PTPRD: variants seen among roughly 807,000 people sequenced by gnomAD.
PTPRD encodes protein tyrosine phosphatase receptor type D.
In PTPRD, 34 loss-of-function variants were observed where a neutral mutation model predicts 214.5. The observed-to-expected ratio is 0.16, with a 90% CI of 0.12 to 0.21. The LOEUF is 0.21. Among genes scored for constraint, PTPRD ranks in the 10% least tolerant of loss-of-function variants. The pLI, the probability that PTPRD is intolerant of heterozygous loss-of-function variation, is 1.00. For synonymous variants in PTPRD, 1,128 were observed against 845.7 expected (o/e 1.33, Z -5.79); for missense variants, 2,545 against 2,398.7 (o/e 1.06, Z -1.27).
At chr9:10,365,853 A>G (rs1306266930) in intron 2 of PTPRD, among the ~76,000 whole-genome samples, 2 of 152,190 alleles carry the variant, frequency 1.3e-5, no homozygotes, top group Non-Finnish European at 2.9e-5. Flanking sequence ...TCCGATTTGG[A>G]TGGAAAATAT....
chr9:9,465,041 C>T (rs953566229), intron 8 of PTPRD, among the ~76,000 whole-genome samples: 1 of 152,136 alleles, frequency 6.6e-6, no homozygotes, highest in African/African-American at 2.4e-5. Context: ...AGGTATTTTC[C>T]ATATTTACAA....
At chr9:10,165,129 C>G (rs757368760) in intron 3 of PTPRD, among the ~76,000 whole-genome samples, 9 of 151,616 alleles carry the variant, frequency 5.9e-5, no homozygotes, top group Admixed American at 1.3e-4. Context: ...TCAGCAATCT[C>G]GATGGAATAG....
intron 7 of PTPRD, among the ~76,000 whole-genome samples, chr9:9,666,001 A>C (rs946784575): frequency 1.3e-5 from 2 of 151,094 alleles, no homozygotes; most frequent in Admixed American, 6.6e-5. Context: ...TTCCAGTTTG[A>C]AATAAGTGTT....
At chr9:9,412,137 T>TTTTTC (rs1247506376) in intron 8 of PTPRD, among the ~76,000 whole-genome samples, 1 of 152,196 alleles carries the variant, frequency 6.6e-6, no homozygotes, top group African/African-American at 2.4e-5. Context: ...TATAGCACTT[T>TTTTTC]TTTTCTTTTC....
intron 10 of PTPRD, among the ~76,000 whole-genome samples, chr9:9,031,507 C>T (rs1300642571): frequency 6.6e-6 from 1 of 151,932 alleles, no homozygotes; most frequent in Non-Finnish European, 1.5e-5. Flanking sequence ...TGTATCTAAA[C>T]ATATATAACC....
intron 2 of PTPRD, among the ~76,000 whole-genome samples, chr9:10,381,748 T>C (rs1482756274): frequency 2.6e-5 from 4 of 152,084 alleles, no homozygotes; most frequent in African/African-American, 9.6e-5. Context: ...GACTTTTATA[T>C]ATTATATTTG....
At chr9:8,564,661 C>T (rs2088119670) in intron 14 of PTPRD, among the ~76,000 whole-genome samples, 1 of 152,140 alleles carries the variant, frequency 6.6e-6, no homozygotes, top group African/African-American at 2.4e-5. Context: ...GATCGTGCCA[C>T]TGTACTCCAG....
chr9:8,657,797 T>C (rs543376295), intron 12 of PTPRD, among the ~76,000 whole-genome samples: 1 of 152,334 alleles, frequency 6.6e-6, no homozygotes, highest in East Asian at 1.9e-4. Flanking sequence ...CACATGGGTT[T>C]TTTTTAAAGG....
chr9:10,567,661 T>A (rs1446465659), intron 2 of PTPRD, among the ~76,000 whole-genome samples: 1 of 152,032 alleles, frequency 6.6e-6, no homozygotes, highest in Non-Finnish European at 1.5e-5. Flanking sequence ...TCTGTAACAG[T>A]AAATACAAAC....
intron 5 of PTPRD, among the ~76,000 whole-genome samples, chr9:9,793,013 C>T (rs918268481): frequency 6.6e-6 from 1 of 151,948 alleles, no homozygotes; most frequent in African/African-American, 2.4e-5. Flanking sequence ...GCAAAATTGG[C>T]CCATTTATTG....
chr9:10,227,328 T>A (rs1207453993), intron 3 of PTPRD, among the ~76,000 whole-genome samples: 2 of 151,970 alleles, frequency 1.3e-5, no homozygotes, highest in East Asian at 3.9e-4. Flanking sequence ...AAGTCAAGAA[T>A]GAAGTTGGAT....
At chr9:10,165,655 A>T (rs1437741196) in intron 3 of PTPRD, among the ~76,000 whole-genome samples, 1 of 151,748 alleles carries the variant, frequency 6.6e-6, no homozygotes, top group East Asian at 1.9e-4. Flanking sequence ...TGAGCATTGC[A>T]ATAATAAGAC....
chr9:8,396,986 G>A (rs922405442), intron 36 of PTPRD, among the ~76,000 whole-genome samples: 17 of 152,064 alleles, frequency 1.1e-4, no homozygotes, highest in African/African-American at 3.9e-4. Flanking sequence ...CATCACAGTT[G>A]CAAACGATTA....
At chr9:9,677,186 G>T (rs1196857674) in intron 7 of PTPRD, among the ~76,000 whole-genome samples, 1 of 152,082 alleles carries the variant, frequency 6.6e-6, no homozygotes, top group Non-Finnish European at 1.5e-5. Flanking sequence ...TGGTGTTTTA[G>T]ACATGAAGTC....
intron 9 of PTPRD, among the ~76,000 whole-genome samples, chr9:9,368,258 T>C (rs919899043): frequency 6.6e-6 from 1 of 151,786 alleles, no homozygotes; most frequent in Non-Finnish European, 1.5e-5. Context: ...TCCTTCAACT[T>C]TACCATAGAA....
intron 5 of PTPRD, among the ~76,000 whole-genome samples, chr9:9,883,415 A>G (rs1354371767): frequency 6.6e-6 from 1 of 152,158 alleles, no homozygotes; most frequent in Non-Finnish European, 1.5e-5. Flanking sequence ...TCAAAAGAAT[A>G]GAGAATAAGG....
intron 11 of PTPRD, among the ~76,000 whole-genome samples, chr9:8,845,423 T>A (rs2097671150): frequency 6.6e-6 from 1 of 152,204 alleles, no homozygotes; most frequent in Admixed American, 6.5e-5. Flanking sequence ...CCTGGCTAGC[T>A]CTGGCGATAT....
chr9:9,619,769 A>G (rs1786085241), intron 7 of PTPRD, among the ~76,000 whole-genome samples: 1 of 146,564 alleles, frequency 6.8e-6, no homozygotes, highest in Non-Finnish European at 1.5e-5. Context: ...TATAATCTAT[A>G]TAAGTATATA....
At chr9:9,888,475 C>A (rs1381090545) in intron 5 of PTPRD, among the ~76,000 whole-genome samples, 1 of 152,084 alleles carries the variant, frequency 6.6e-6, no homozygotes, top group Non-Finnish European at 1.5e-5. Context: ...GTGTTTGGGT[C>A]ATGGGGAGAG....
Sources: allele counts gnomAD v4.1 joint callset (sites outside exome capture counted in the v4.1 genomes callset), GRCh38; gene constraint gnomAD v4.1.1; transcripts MANE v1.5; gene names NCBI Gene and HGNC (gene_info 2026-07-23, HGNC 2026-07-21).